The following CACNA1I variants were observed in gnomAD, a reference collection of about 807,000 sequenced individuals.
The protein encoded by CACNA1I is voltage-dependent T-type calcium channel subunit alpha-1I.
In CACNA1I, 74 loss-of-function variants were observed where a neutral mutation model predicts 201.6. The ratio of observed to expected loss-of-function variants is 0.37; its 90% CI spans 0.30 to 0.45. The LOEUF (loss-of-function observed/expected upper bound fraction) is 0.45. Ranked by LOEUF, CACNA1I falls within the 20% of genes least tolerant of loss-of-function variation. CACNA1I has a pLI of 1.00. For synonymous variants in CACNA1I, 1,431 were observed against 1,345.2 expected (o/e 1.06, Z -1.40); for missense variants, 2,346 against 3,138.1 (o/e 0.75, Z 6.03).
At chr22:39,683,715 C>A (rs1344483100) in intron 35 of CACNA1I, among the ~76,000 whole-genome samples, 2 of 147,000 alleles carry the variant, frequency 1.4e-5, no homozygotes, top group African/African-American at 5.0e-5. Context: ...ACGCCCCCCA[C>A]ACCCAGACCT....
At chr22:39,590,991 G>T (rs745780104) in intron 1 of CACNA1I, among the ~76,000 whole-genome samples, 2 of 151,394 alleles carry the variant, frequency 1.3e-5, no homozygotes. Context: ...CTACAGGCGC[G>T]CACCACCACA....
rs1569104295 is a variant in CACNA1I, at chr22:39,686,143, G to A, written c.6410G>A (p.Cys2137Tyr). ...LSSLSLTSLF[C>Y]PPPPPPAPGL... ...AGCCTCTCGCTCACCTCCCTCTTCT[G>A]CCCGCCGCCCCCGCCGCCAGCCCCC... Residue 2137 changes from cysteine (C) to tyrosine (Y), a missense_variant, in exon 37 of 37, where the codon TGC (cysteine) becomes TAC (tyrosine). Physicochemically the swap from Cys to Tyr is radical, Grantham distance 194. This residue lies in a region of CACNA1I where 187 missense variants were observed against 151.0 expected (regional missense o/e 1.24). Coordinates refer to ENST00000402142, the MANE Select transcript of CACNA1I (RefSeq NM_021096.4). 42 of 1,246,244 alleles carry A rather than the reference G, an allele frequency of 3.4e-5. No individual in the cohort carries two copies. The highest frequency in any genetic ancestry group is 4.0e-5 in the Non-Finnish European group (40 of 993,792). 77.2% of individuals were successfully genotyped at this position (1,246,244 alleles called of 1,614,324 possible). A position where few individuals can be genotyped will look rare whatever the true frequency, so the allele number is the denominator to read the frequency against.
At chr22:39,681,981 A>G (rs757580499) in intron 34 of CACNA1I, among the ~76,000 whole-genome samples, 10 of 152,158 alleles carry the variant, frequency 6.6e-5, no homozygotes, top group Admixed American at 2.6e-4. Context: ...CTTTTGTGCC[A>G]GACTCAGCAA....
chr22:39,600,784 G>A (rs1933008974), intron 3 of CACNA1I, 131 bp downstream of exon 3: 8 of 1,179,370 alleles, frequency 6.8e-6, no homozygotes, highest in Non-Finnish European at 9.0e-6. Context: ...GGACCCCTGG[G>A]CTGGGAGGAA....
intron 1 of CACNA1I, chr22:39,587,844 C>T (rs1932774374): frequency 1.1e-5 from 4 of 361,014 alleles, no homozygotes; most frequent in Middle Eastern, 1.0e-3. Context: ...GGTGTGATCT[C>T]GGCTCACTGC....
At chr22:39,600,453 C>T in intron 2 of CACNA1I, 67 bp from the exon 3 acceptor site, 1 of 1,385,836 alleles carries the variant, frequency 7.2e-7, no homozygotes, top group Non-Finnish European at 1.0e-6. Context: ...CACACTGTGG[C>T]TGCAACCCCT....
intron 1 of CACNA1I, among the ~76,000 whole-genome samples, chr22:39,583,031 ACCATCCATCCATCCATCCATCCAT>A (rs59155285): frequency 1.7e-4 from 20 of 116,544 alleles, no homozygotes; most frequent in Non-Finnish European, 3.2e-4. Context: ...CAAGCACCCA[ACCATCCATCCATCCATCCATCCAT>A]CCATCCATCC....
chr22:39,680,484 C>T (rs1041750786), intron 33 of CACNA1I, among the ~76,000 whole-genome samples: 2 of 152,218 alleles, frequency 1.3e-5, no homozygotes, highest in East Asian at 1.9e-4. Context: ...GGCTGCCCCA[C>T]ATCCCTGCCC....
rs561387440 is a variant in CACNA1I, at chr22:39,619,971, C to A, written c.580+564C>A. On this transcript the variant is annotated intron_variant, in intron 4 of 36. Coordinates refer to ENST00000402142, the MANE Select transcript of CACNA1I (RefSeq NM_021096.4). The stretch of plus-strand genomic sequence containing the variant: ...TCCATCCGTCCGTCCGTCCATCCAT[C>A]CATCCATCCATCCATCTACCTGTCC... Among the ~76,000 whole-genome samples, 19 of 151,452 alleles carry A rather than the reference C, an allele frequency of 1.3e-4. No homozygotes were observed. In the South Asian group the frequency reaches 2.9e-3, roughly 23 times the overall value.
rs929240706 is a variant in CACNA1I, at chr22:39,684,357, C to T, written c.5886C>T (p.Ala1962=). Reference sequence around the variant, plus strand: ...CCAGCCCTCTCCTGCCCATGCCAGCCGAGTTCTTCCACCCTGCAGTGTCTG... The same window carrying T: ...CCAGCCCTCTCCTGCCCATGCCAGCTGAGTTCTTCCACCCTGCAGTGTCTG... ...DASSPLLPMP[A]EFFHPAVSAS... Residue 1962 remains alanine, a synonymous_variant, in exon 36 of 37, where the codon GCC becomes GCT. Coordinates refer to ENST00000402142, the MANE Select transcript of CACNA1I (RefSeq NM_021096.4). The surrounding 1 kb of genome is among the most constrained non-coding windows in gnomAD (Gnocchi z 4.6). 6.2e-6 allele frequency: 10 copies of T among 1,613,426 alleles called. No individual in the cohort carries two copies. The highest frequency in any genetic ancestry group is 1.6e-4 in the Middle Eastern group (1 of 6,084).
chr22:39,623,299 C>T (rs139220354), intron 4 of CACNA1I, among the ~76,000 whole-genome samples: 4 of 150,778 alleles, frequency 2.7e-5, no homozygotes, highest in East Asian at 2.0e-4. Context: ...CTGTGAGGTG[C>T]GTGTGCACAT....
chr22:39,663,575 A>G, intron 18 of CACNA1I, 143 bp from the exon 19 acceptor site: 2 of 930,656 alleles, frequency 2.1e-6, no homozygotes, highest in Non-Finnish European at 3.2e-6. Flanking sequence ...GCAGGTGTAG[A>G]GTCGGCACCT....
At chr22:39,613,432 T>C (rs1933438802) in intron 3 of CACNA1I, among the ~76,000 whole-genome samples, 1 of 152,190 alleles carries the variant, frequency 6.6e-6, no homozygotes, top group Non-Finnish European at 1.5e-5. Flanking sequence ...ATGTGATTCG[T>C]GGGCGCGTGT....
At chr22:39,623,299 C>A (rs139220354) in intron 4 of CACNA1I, among the ~76,000 whole-genome samples, 2 of 150,780 alleles carry the variant, frequency 1.3e-5, no homozygotes, top group African/African-American at 2.4e-5. Context: ...CTGTGAGGTG[C>A]GTGTGCACAT....
intron 1 of CACNA1I, chr22:39,587,831 A>G (rs1377500924): frequency 9.8e-6 from 4 of 408,648 alleles, no homozygotes; most frequent in Admixed American, 8.2e-5. Flanking sequence ...GCTGGAGTGC[A>G]ATGGTGTGAT....
intron 4 of CACNA1I, among the ~76,000 whole-genome samples, chr22:39,621,243 G>A (rs563595533): frequency 6.6e-6 from 1 of 152,342 alleles, no homozygotes; most frequent in South Asian, 2.1e-4. Flanking sequence ...TTTCCTGGCT[G>A]TGTCTGACCC....
intron 8 of CACNA1I, among the ~76,000 whole-genome samples, 162 bp from the exon 9 acceptor site, chr22:39,647,660 C>T (rs568043439): frequency 1.4e-4 from 22 of 152,286 alleles, no homozygotes; most frequent in Admixed American, 5.9e-4. Context: ...GTGATCCTCC[C>T]GCCTTGGCCT....
intron 1 of CACNA1I, among the ~76,000 whole-genome samples, chr22:39,594,182 T>C (rs1268631117): frequency 1.3e-5 from 2 of 152,178 alleles, no homozygotes; most frequent in Non-Finnish European, 2.9e-5. Context: ...GATTTCCCCA[T>C]GTCTCAGCCT....
intron 3 of CACNA1I, among the ~76,000 whole-genome samples, chr22:39,602,651 G>T (rs1420597092): frequency 1.3e-5 from 2 of 151,994 alleles, no homozygotes; most frequent in East Asian, 3.8e-4. Context: ...ACCGTTATTT[G>T]TGCTATTGTA....
Sources: allele counts gnomAD v4.1 joint callset (sites outside exome capture counted in the v4.1 genomes callset), GRCh38; gene constraint gnomAD v4.1.1; regional missense constraint gnomAD v4.1.1; non-coding constraint Gnocchi (gnomAD v3.1); transcripts MANE v1.5; gene names NCBI Gene and HGNC (gene_info 2026-07-23, HGNC 2026-07-21).